Variants in FKBP10 observed in about 807,000 individuals in gnomAD.
FKBP10 encodes the protein FKBP prolyl isomerase 10, also known as peptidyl-prolyl cis-trans isomerase FKBP10.
FKBP10 carries 34 observed loss-of-function variants against 53.7 expected under a neutral mutation model. The ratio of observed to expected loss-of-function variants is 0.63; its 90% confidence interval spans 0.48 to 0.84. The LOEUF (loss-of-function observed/expected upper bound fraction) is 0.84, where lower values mean the gene tolerates loss of function less well. Among genes scored for constraint, FKBP10 ranks in the 40% least tolerant of loss-of-function variants. FKBP10 has a pLI of 0.00. For missense variants in FKBP10, 748 were observed against 797.8 expected (o/e 0.94, Z 0.75); for synonymous variants, 324 against 335.7 (o/e 0.97, Z 0.38).
Position 41,821,914 on chromosome 17 carries a change from G to C in FKBP10, c.1563+97G>C, listed in dbSNP as rs570783224. Reference sequence around the variant, plus strand: ...CGTCCCCCGTCCGGACTGCCCACCCGCCCTGGTGCTCCTGCCTGCGCTGAG... The same window carrying C: ...CGTCCCCCGTCCGGACTGCCCACCCCCCCTGGTGCTCCTGCCTGCGCTGAG... On this transcript the variant is annotated intron_variant, in intron 9 of 9. Transcript: ENST00000321562. 2.7e-6 allele frequency: 4 copies of C among 1,472,622 alleles called. No homozygotes were observed. In the African/African-American group the frequency reaches 5.6e-5, roughly 20 times the overall value. The allele number at this position is 1,472,622 out of a possible 1,614,324, so 91.2% of individuals were successfully genotyped here.
At chr17:41,813,350 C>T in intron 1 of FKBP10, 71 bp downstream of exon 1, 1 of 1,593,978 alleles carries the variant, frequency 6.3e-7, no homozygotes, top group Non-Finnish European at 8.6e-7. Flanking sequence ...TCCTTGTTGC[C>T]TCTTTTAAGC....
chr17:41,822,549 A>G lies in FKBP10; in HGVS notation c.*141A>G. 1 of 905,428 alleles carries G rather than the reference A, an allele frequency of 1.1e-6. No individual in the cohort carries two copies. Among genetic ancestry groups the G allele is most frequent in the Non-Finnish European group, 1.7e-6 (1 of 574,834 alleles). The allele number at this position is 905,428 out of a possible 1,614,324, so 56.1% of individuals were successfully genotyped here. On this transcript the variant is annotated 3_prime_UTR_variant, in exon 10 of 10. Coordinates refer to ENST00000321562, the MANE Select transcript of FKBP10 (RefSeq NM_021939.4). ...CAACTAAAACAATGGCAGAGGAGACATCTCTGGTGTTCCCACCACCCTAGA... is the reference window on the plus strand; with the variant it reads ...CAACTAAAACAATGGCAGAGGAGACGTCTCTGGTGTTCCCACCACCCTAGA...
At chr17:41,815,590 C>G (rs113302687) in intron 1 of FKBP10, among the ~76,000 whole-genome samples, 1 of 151,818 alleles carries the variant, frequency 6.6e-6, no homozygotes, top group South Asian at 2.1e-4. Flanking sequence ...CTCAGCCTCC[C>G]GATTAGCTGG....
intron 1 of FKBP10, among the ~76,000 whole-genome samples, chr17:41,814,469 A>G (rs2047790275): frequency 6.6e-6 from 1 of 152,242 alleles, no homozygotes; most frequent in Non-Finnish European, 1.5e-5. Flanking sequence ...AGTTCAGCAC[A>G]CATTAACATT....
At chr17:41,816,375 C>T (rs1484539084) in intron 1 of FKBP10, among the ~76,000 whole-genome samples, 1 of 151,212 alleles carries the variant, frequency 6.6e-6, no homozygotes, top group Non-Finnish European at 1.5e-5. Context: ...GGACTACAGG[C>T]GCCCGCCACC....
chr17:41,815,907 A>G (rs1419425993), intron 1 of FKBP10, among the ~76,000 whole-genome samples: 4 of 151,842 alleles, frequency 2.6e-5, no homozygotes, highest in Non-Finnish European at 4.4e-5. Flanking sequence ...TGGGAGGCCC[A>G]GGCAGGCAGA....
At chr17:41,821,432 A>G (rs1445519927) in intron 8 of FKBP10, among the ~76,000 whole-genome samples, 1 of 152,066 alleles carries the variant, frequency 6.6e-6, no homozygotes, top group Non-Finnish European at 1.5e-5. Context: ...CCGAGACCGT[A>G]ATCTGACTGG....
intron 4 of FKBP10, chr17:41,818,847 C>T (rs2047850516): frequency 4.9e-6 from 2 of 411,280 alleles, no homozygotes; most frequent in Non-Finnish European, 9.1e-6. Flanking sequence ...CCCAGCTACT[C>T]GGAGAGGCTG....
At position 41,822,498 on chromosome 17, in the gene FKBP10, C is replaced by G. The variant is rs1405584688; in HGVS notation, c.*90C>G. On this transcript the variant is annotated 3_prime_UTR_variant, in exon 10 of 10. Coordinates refer to ENST00000321562, the MANE Select transcript of FKBP10 (RefSeq NM_021939.4). ...GACTGACCTGCTGACAGTCACCCTC[C>G]CTCTGCTGGGATGAGGTCCAGGAGC... The G allele has an allele frequency of 2.1e-6, 3 of 1,438,736 alleles. No individual in the cohort carries two copies. In the African/African-American group the frequency reaches 4.2e-5, roughly 20 times the overall value. 89.1% of individuals were successfully genotyped at this position (1,438,736 alleles called of 1,614,324 possible).
Position 41,818,082 on chromosome 17 carries a change from C to T in FKBP10, c.392-7C>T. 1 of 1,600,772 alleles carries T rather than the reference C, an allele frequency of 6.2e-7. No homozygotes were observed. The highest frequency in any genetic ancestry group is 1.3e-5 in the African/African-American group (1 of 74,666). On this transcript the variant is annotated splice_polypyrimidine_tract_variant and splice_region_variant and intron_variant, in intron 2 of 9. Transcript: ENST00000321562. ...TCTGAGACCTCCACGCTGCTGCGCT[C>T]TCACAGCGGGGCTCATTCCACCGGA... is the stretch of plus-strand genomic sequence containing the variant.
intron 1 of FKBP10, among the ~76,000 whole-genome samples, chr17:41,815,734 C>T (rs1356968511): frequency 2.0e-5 from 3 of 150,600 alleles, no homozygotes; most frequent in East Asian, 4.0e-4. Flanking sequence ...GGATTACAGG[C>T]GTGAGCCACT....
chr17:41,820,095 C>T (rs1597908581), intron 6 of FKBP10, 174 bp from the exon 7 acceptor site: 11 of 1,215,902 alleles, frequency 9.0e-6, no homozygotes, highest in Admixed American at 4.7e-5. Context: ...CTTCCCCTGC[C>T]CCCTGCCCCA....
Position 41,821,800 on chromosome 17 carries a change from G to A in FKBP10, c.1546G>A (p.Glu516Lys), listed in dbSNP as rs76022961. The A allele has an allele frequency of 1.3e-3, 2,099 of 1,614,106 alleles. 27 individuals carry two copies. In the African/African-American group the frequency reaches 0.025, roughly 19 times the overall value. The change falls in exon 9 of 10, where the codon GAG becomes AAG. Residue 516 changes from glutamate to lysine, a missense_variant. Physicochemically the swap from Glu to Lys is moderately conservative, Grantham distance 56. Coordinates refer to ENST00000321562, the MANE Select transcript of FKBP10 (RefSeq NM_021939.4). The stretch of plus-strand genomic sequence containing the variant: ...AGACATGGACCTCAACAAGGATGGC[G>A]AGGTCCCTCCGGAGGAGGTGGGTGA... ...FEDMDLNKDG[E>K]VPPEEFSTFI...
In FKBP10 at chr17:41,819,384, C is replaced by A. The variant is rs1597907688; in HGVS notation, c.902C>A (p.Thr301Asn). The A allele has an allele frequency of 1.1e-5, 18 of 1,613,916 alleles. No individual in the cohort carries two copies. The highest frequency in any genetic ancestry group is 1.4e-5 in the Non-Finnish European group (17 of 1,180,008). The change falls in exon 5 of 10, where the codon ACC becomes AAC. Residue 301 changes from threonine to asparagine, a missense_variant. Coordinates refer to ENST00000321562, the MANE Select transcript of FKBP10 (RefSeq NM_021939.4). ...TACAATGGCTCCTTGATGGACGGCACCCTCTTCGATTCCAGGTCAGGAGGG... is the reference window on the plus strand; with the variant it reads ...TACAATGGCTCCTTGATGGACGGCAACCTCTTCGATTCCAGGTCAGGAGGG... ...YHYNGSLMDG[T>N]LFDSSYSRNH...
chr17:41,819,177 A>C (rs1555616547), intron 4 of FKBP10, 33 bp from the exon 5 acceptor site: 3 of 1,613,008 alleles, frequency 1.9e-6, no homozygotes, highest in Non-Finnish European at 2.5e-6. Flanking sequence ...CTTGCTCCCC[A>C]ATTTTATGGT....
intron 1 of FKBP10, among the ~76,000 whole-genome samples, chr17:41,813,867 G>C (rs576473877): frequency 6.7e-6 from 1 of 149,092 alleles, no homozygotes; most frequent in Non-Finnish European, 1.5e-5. Context: ...CCCTGTCTAC[G>C]TGTCACACAG....
chr17:41,817,960 G>T, intron 2 of FKBP10, 129 bp from the exon 3 acceptor site: 3 of 906,192 alleles, frequency 3.3e-6, no homozygotes, highest in Non-Finnish European at 5.1e-6. Flanking sequence ...AACAAAAATA[G>T]TGGCATCTCT....
chr17:41,819,466 T>C (rs1555616606), intron 5 of FKBP10, 64 bp from the exon 6 acceptor site: 14 of 1,613,892 alleles, frequency 8.7e-6, no homozygotes, highest in Middle Eastern at 1.6e-4. Context: ...GGGGTCACTC[T>C]GAGCTGCCTG....
At chr17:41,818,314 A>T in intron 3 of FKBP10, 36 bp downstream of exon 3, 1 of 1,614,004 alleles carries the variant, frequency 6.2e-7, no homozygotes. Flanking sequence ...GGCACTGGGG[A>T]CTGTGGCATG....
Sources: allele counts gnomAD v4.1 joint callset (sites outside exome capture counted in the v4.1 genomes callset), GRCh38; gene constraint gnomAD v4.1.1; transcripts MANE v1.5; gene names NCBI Gene and HGNC (gene_info 2026-07-23, HGNC 2026-07-21).